TNPO3: variants seen among roughly 807,000 people sequenced by gnomAD.
The protein encoded by TNPO3 is transportin 3, also known as transportin-3.
In TNPO3, 65 loss-of-function variants were observed where a neutral mutation model predicts 122.8. The ratio of observed to expected loss-of-function variants is 0.53; its 90% confidence interval spans 0.43 to 0.65. The LOEUF is 0.65. TNPO3 is among the 30% of genes least tolerant of loss of function. The pLI is 0.00. For missense variants in TNPO3, 850 were observed against 1,136.7 expected, an observed-to-expected ratio of 0.75 and a Z score of 3.63; for synonymous variants, 372 against 411.2, an observed-to-expected ratio of 0.90 and a Z score of 1.15.
At chr7:128,973,115 T>C (rs1585326642) in intron 18 of TNPO3, among the ~76,000 whole-genome samples, 1 of 152,118 alleles carries the variant, frequency 6.6e-6, no homozygotes, top group Admixed American at 6.5e-5. Flanking sequence ...GACCTACAAG[T>C]AGAAACTCTC....
At chr7:129,052,931 G>C (rs1040608172) in intron 1 of TNPO3, among the ~76,000 whole-genome samples, 4 of 152,176 alleles carry the variant, frequency 2.6e-5, no homozygotes, top group African/African-American at 7.2e-5. Context: ...CACTAAATGA[G>C]ACCATATGTG....
chr7:128,984,651 CAA>C (rs1196535721), intron 12 of TNPO3, among the ~76,000 whole-genome samples: 2 of 152,160 alleles, frequency 1.3e-5, no homozygotes, highest in African/African-American at 4.8e-5. Context: ...ATTCTTATCA[CAA>C]GAGAAATTCT....
At position 128,957,331 on chromosome 7, in the gene TNPO3, T is replaced by C; in HGVS notation, c.2712-16A>G. 1 of 1,613,954 alleles carries C rather than the reference T, an allele frequency of 6.2e-7. No homozygotes were observed. The highest frequency in any genetic ancestry group is 8.5e-7 in the Non-Finnish European group (1 of 1,179,958). ...TTCCTCAGCACTAGAAAAGAAAAGG[T>C]AGGTTGGTCCTTGACTGAGGAGAAA... On this transcript the variant is annotated splice_polypyrimidine_tract_variant and intron_variant, in intron 21 of 22. Transcript: ENST00000265388.
Position 128,970,332 on chromosome 7 carries a change from AG to A in TNPO3, c.2431-18del. 6.4e-7 allele frequency: 1 copy of A among 1,553,702 alleles called. No individual in the cohort carries two copies. Among genetic ancestry groups the A allele is most frequent in the Non-Finnish European group, 8.7e-7 (1 of 1,150,076 alleles). On this transcript the variant is annotated intron_variant, in intron 19 of 22. Transcript: ENST00000265388. ...TTCTTCATGCTGTATGTAGGAAAGC[AG>A]GAACATCAGATAAATTCTAGTCTCA... is the stretch of plus-strand genomic sequence containing the variant.
At chr7:129,027,399 A>G (rs1404773415) in intron 1 of TNPO3, among the ~76,000 whole-genome samples, 2 of 151,666 alleles carry the variant, frequency 1.3e-5, no homozygotes, top group Non-Finnish European at 1.5e-5. Flanking sequence ...CATATCTACT[A>G]AAAATACAAA....
intron 8 of TNPO3, among the ~76,000 whole-genome samples, chr7:128,994,116 C>A (rs532182817): frequency 6.6e-6 from 1 of 152,094 alleles, no homozygotes; most frequent in Non-Finnish European, 1.5e-5. Flanking sequence ...TATTCTCTGC[C>A]TTTACCAGGA....
intron 1 of TNPO3, among the ~76,000 whole-genome samples, chr7:129,025,406 A>C (rs1805020996): frequency 7.0e-6 from 1 of 141,916 alleles, no homozygotes; most frequent in African/African-American, 2.6e-5. Flanking sequence ...AACCAGCTGG[A>C]CTCAACTATG....
rs771931209 is a variant in TNPO3 at position 128,967,395 on chromosome 7, G to A, written c.2599-3C>T. 3.1e-6 allele frequency: 5 copies of A among 1,595,884 alleles called. No individual in the cohort carries two copies. The highest frequency in any genetic ancestry group is 1.3e-5 in the African/African-American group (1 of 74,568). On this transcript the variant is annotated splice_polypyrimidine_tract_variant and splice_region_variant and intron_variant, in intron 20 of 22. Coordinates refer to ENST00000265388, the MANE Select transcript of TNPO3 (RefSeq NM_012470.4). ...TTTTCTAACCATCGACAAAAAGTCT[G>A]TATAGGAAAGAGGGGTAAGAGTTTT... is the stretch of plus-strand genomic sequence containing the variant.
At chr7:129,011,165 G>A (rs1319236551) in intron 4 of TNPO3, among the ~76,000 whole-genome samples, 1 of 152,042 alleles carries the variant, frequency 6.6e-6, no homozygotes, top group Non-Finnish European at 1.5e-5. Flanking sequence ...CATGCTAAAG[G>A]AAACGAAGGA....
intron 7 of TNPO3, among the ~76,000 whole-genome samples, chr7:128,998,715 G>C (rs1248115925): frequency 6.6e-6 from 1 of 152,060 alleles, no homozygotes; most frequent in East Asian, 1.9e-4. Context: ...GTAGAGACAA[G>C]GTCTTGCTTT....
chr7:129,021,049 T>C (rs1188507185), intron 1 of TNPO3, among the ~76,000 whole-genome samples: 1 of 151,934 alleles, frequency 6.6e-6, no homozygotes, highest in Non-Finnish European at 1.5e-5. Context: ...AATCTGAGGA[T>C]GGCAGTTGAA....
intron 11 of TNPO3, 26 bp from the exon 12 acceptor site, chr7:128,986,946 T>G (rs747329499): frequency 6.4e-7 from 1 of 1,561,064 alleles, no homozygotes; most frequent in African/African-American, 1.4e-5. Context: ...AAGCAGAGAT[T>G]ACATATCTGA....
At chr7:128,957,413 C>T in intron 21 of TNPO3, 98 bp from the exon 22 acceptor site, 1 of 1,228,022 alleles carries the variant, frequency 8.1e-7, no homozygotes, top group Non-Finnish European at 1.2e-6. Flanking sequence ...ACCGTCCCAA[C>T]TCTGCTAGGA....
intron 1 of TNPO3, chr7:129,029,595 A>T (rs1805663973): frequency 6.6e-6 from 1 of 152,232 alleles, no homozygotes. Context: ...TGAGGCTTAA[A>T]TCTGAAGTAT....
At chr7:129,027,558 CAAAAAAAAAAAAAAAAAAAAA>C (rs71162549) in intron 1 of TNPO3, among the ~76,000 whole-genome samples, 167 of 8,990 alleles carry the variant, frequency 0.019, 5 homozygotes, top group African/African-American at 0.074. Flanking sequence ...AAGACTGTCT[CAAAAAAAAAAAAAAAAAAAAA>C]AAAAAAAAAA....
chr7:128,967,008 G>A (rs1177591127), intron 21 of TNPO3, among the ~76,000 whole-genome samples: 1 of 152,138 alleles, frequency 6.6e-6, no homozygotes, highest in Non-Finnish European at 1.5e-5. Context: ...CTCCTGACGG[G>A]GAGTGAGCTG....
At chr7:129,034,869 TG>T in intron 1 of TNPO3, among the ~76,000 whole-genome samples, 1 of 118,652 alleles carries the variant, frequency 8.4e-6, no homozygotes, top group East Asian at 2.4e-4. Context: ...CACTCCAGCC[TG>T]GGCAACAGAG....
At chr7:129,030,232 G>T in intron 1 of TNPO3, 1 of 209,968 alleles carries the variant, frequency 4.8e-6, no homozygotes, top group Non-Finnish European at 1.0e-5. Context: ...AAGAACATGT[G>T]ATGGCCTTGA....
At chr7:128,986,981 T>C (rs1800227834) in intron 11 of TNPO3, 61 bp from the exon 12 acceptor site, 1 of 1,496,556 alleles carries the variant, frequency 6.7e-7, no homozygotes, top group African/African-American at 1.4e-5. Context: ...TTCTAGTTTA[T>C]TAAAACAGAG....
Sources: gnomAD v4.1 joint callset for allele counts (sites outside exome capture counted in the v4.1 genomes callset) on GRCh38, gnomAD v4.1.1 for gene constraint, MANE v1.5 for transcripts, NCBI Gene and HGNC (gene_info 2026-07-23, HGNC 2026-07-21) for gene names.